The following CSGALNACT1 variants were observed in gnomAD, a reference collection of about 807,000 sequenced individuals.
The protein encoded by CSGALNACT1 is chondroitin sulfate N-acetylgalactosaminyltransferase 1.
A neutral mutation model predicts 51.0 loss-of-function variants in CSGALNACT1; 52 were observed. The ratio of observed to expected loss-of-function variants is 1.02; its 90% CI spans 0.82 to 1.29. CSGALNACT1 has a LOEUF of 1.29. Ranked by LOEUF, CSGALNACT1 falls within the 50% of genes most tolerant of loss-of-function variation. The pLI is 0.00. For missense variants in CSGALNACT1, 935 were observed against 679.2 expected, an observed-to-expected ratio of 1.38 and a Z score of -4.19; for synonymous variants, 341 against 254.4, an observed-to-expected ratio of 1.34 and a Z score of -3.24.
intron 6 of CSGALNACT1, among the ~76,000 whole-genome samples, chr8:19,434,349 T>C (rs80186090): frequency 0.013 from 1,911 of 152,298 alleles, 36 homozygotes; most frequent in African/African-American, 0.043. Flanking sequence ...AAGAATAGTA[T>C]AATAAGTGCC....
intron 4 of CSGALNACT1, among the ~76,000 whole-genome samples, chr8:19,482,991 C>G (rs1039407113): frequency 6.6e-6 from 1 of 152,190 alleles, no homozygotes; most frequent in African/African-American, 2.4e-5. Context: ...ACACCTCCCT[C>G]TCCATCCCAC....
intron 1 of CSGALNACT1, among the ~76,000 whole-genome samples, chr8:19,643,637 T>TAA (rs35567016): frequency 2.8e-5 from 4 of 142,026 alleles, no homozygotes; most frequent in African/African-American, 1.0e-4. Context: ...GACACCATCT[T>TAA]AAAAAAAAAA....
intron 3 of CSGALNACT1, among the ~76,000 whole-genome samples, chr8:19,530,972 CATCAGTCA>C (rs1488910030): frequency 6.6e-6 from 1 of 152,206 alleles, no homozygotes; most frequent in East Asian, 1.9e-4. Flanking sequence ...CAGAAACTGT[CATCAGTCA>C]ATCAGTATCA....
chr8:19,633,679 T>C (rs999571929), intron 1 of CSGALNACT1, among the ~76,000 whole-genome samples: 2 of 152,190 alleles, frequency 1.3e-5, no homozygotes, highest in African/African-American at 4.8e-5. Flanking sequence ...CTCCAGACTT[T>C]TAGCTTTCAG....
At chr8:19,569,880 C>T (rs2042639042) in intron 3 of CSGALNACT1, among the ~76,000 whole-genome samples, 1 of 152,134 alleles carries the variant, frequency 6.6e-6, no homozygotes, top group African/African-American at 2.4e-5. Flanking sequence ...CCAAATAGAA[C>T]AAACTACTGC....
intron 1 of CSGALNACT1, among the ~76,000 whole-genome samples, chr8:19,707,385 C>T (rs1376130001): frequency 2.0e-5 from 3 of 152,126 alleles, no homozygotes; most frequent in East Asian, 3.9e-4. Flanking sequence ...TCTGATACCC[C>T]GAATAGAACT....
At chr8:19,504,947 A>C (rs1334118661) in intron 4 of CSGALNACT1, among the ~76,000 whole-genome samples, 9 of 152,230 alleles carry the variant, frequency 5.9e-5, no homozygotes, top group Non-Finnish European at 1.3e-4. Flanking sequence ...TGAAAGGAAG[A>C]AGTTCTACCT....
upstream of CSGALNACT1, chr8:19,683,255 C>T (rs1181147638): frequency 6.6e-6 from 1 of 152,318 alleles, no homozygotes; most frequent in Non-Finnish European, 1.5e-5. Context: ...TGCTCAACCA[C>T]GATCACTGTG....
At chr8:19,528,606 T>C (rs1183114957) in intron 3 of CSGALNACT1, among the ~76,000 whole-genome samples, 3 of 152,026 alleles carry the variant, frequency 2.0e-5, no homozygotes, top group African/African-American at 7.2e-5. Context: ...TCTGAGGAGA[T>C]CCAATCTAGA....
At chr8:19,487,651 T>C (rs946565901) in intron 4 of CSGALNACT1, among the ~76,000 whole-genome samples, 1 of 152,242 alleles carries the variant, frequency 6.6e-6, no homozygotes, top group Non-Finnish European at 1.5e-5. Context: ...CAAACTCGCC[T>C]GCACCTTCAG....
At chr8:19,598,891 CTCAT>C (rs1404697568) in intron 2 of CSGALNACT1, among the ~76,000 whole-genome samples, 5 of 152,188 alleles carry the variant, frequency 3.3e-5, no homozygotes, top group African/African-American at 1.2e-4. Flanking sequence ...CATTCACTCG[CTCAT>C]TCATTCTTTT....
At chr8:19,404,491 G>C (rs940307128) in exon 10 of CSGALNACT1, 3 of 453,788 alleles carry the variant, frequency 6.6e-6, no homozygotes, top group Non-Finnish European at 1.3e-5. Context: ...CTTGGTGATC[G>C]AGTAGAACTG....
At chr8:19,754,394 T>C (rs2065230228) in intron 1 of CSGALNACT1, among the ~76,000 whole-genome samples, 1 of 152,182 alleles carries the variant, frequency 6.6e-6, no homozygotes, top group African/African-American at 2.4e-5. Flanking sequence ...TTGCTGTTAA[T>C]GATACAAATA....
At chr8:19,639,098 G>C (rs55726693) in intron 1 of CSGALNACT1, among the ~76,000 whole-genome samples, 2 of 152,038 alleles carry the variant, frequency 1.3e-5, no homozygotes, top group Non-Finnish European at 2.9e-5. Flanking sequence ...CAGTAAATAT[G>C]AATGTTTCCC....
chr8:19,552,591 T>A (rs190189533), intron 3 of CSGALNACT1, among the ~76,000 whole-genome samples: 1 of 152,146 alleles, frequency 6.6e-6, no homozygotes, highest in Non-Finnish European at 1.5e-5. Context: ...CAAGCTCCCA[T>A]CACTTTTCAG....
intron 4 of CSGALNACT1, among the ~76,000 whole-genome samples, chr8:19,485,117 C>T (rs1014077856): frequency 3.3e-5 from 5 of 152,164 alleles, no homozygotes; most frequent in African/African-American, 1.2e-4. Context: ...CAATGATGGC[C>T]ACCATCAGTT....
intron 1 of CSGALNACT1, among the ~76,000 whole-genome samples, chr8:19,638,122 C>G (rs908561861): frequency 3.4e-5 from 5 of 146,534 alleles, no homozygotes; most frequent in Non-Finnish European, 7.6e-5. Context: ...CTAAAATAAG[C>G]TAGGAGACTC....
intron 3 of CSGALNACT1, among the ~76,000 whole-genome samples, chr8:19,562,178 T>C (rs1380631013): frequency 2.6e-5 from 4 of 152,202 alleles, no homozygotes; most frequent in African/African-American, 9.6e-5. Flanking sequence ...CCTGATGGGC[T>C]ATATCAAATA....
At chr8:19,418,561 A>C in intron 8 of CSGALNACT1, 95 bp downstream of exon 7, 1 of 835,002 alleles carries the variant, frequency 1.2e-6, no homozygotes, top group Non-Finnish European at 2.1e-6. Flanking sequence ...ATCATTGCAC[A>C]GATTTCTACT....
Sources: gnomAD v4.1 joint callset for allele counts (sites outside exome capture counted in the v4.1 genomes callset) on GRCh38, gnomAD v4.1.1 for gene constraint, MANE v1.5 for transcripts, NCBI Gene and HGNC (gene_info 2026-07-23, HGNC 2026-07-21) for gene names.